IFIT1: variants seen among roughly 807,000 people sequenced by gnomAD.
IFIT1 encodes the protein antiviral innate immune response effector IFIT1.
A neutral mutation model predicts 2.5 loss-of-function variants in IFIT1; 1 was observed. The ratio of observed to expected loss-of-function variants is 0.40; its 90% CI spans 0.14 to 1.92. The LOEUF (loss-of-function observed/expected upper bound fraction) is 1.92, where lower values mean the gene tolerates loss of function less well. Ranked by LOEUF, IFIT1 falls within the 40% of genes most tolerant of loss-of-function variation. IFIT1 has a pLI of 0.31. For missense variants in IFIT1, 508 were observed against 557.8 expected (o/e 0.91, Z 0.90); for synonymous variants, 191 against 201.7 (o/e 0.95, Z 0.45).
At chr10:89,396,674 C>T (rs573438976) in intron 1 of IFIT1, among the ~76,000 whole-genome samples, 5 of 152,284 alleles carry the variant, frequency 3.3e-5, no homozygotes, top group South Asian at 4.1e-4. Flanking sequence ...ATCAAATTTC[C>T]GTAGATTTGG....
rs1350244920 is a variant in IFIT1, at chr10:89,402,651, A to T, written c.376A>T (p.Lys126Ter). Residue 126 changes from lysine to a stop codon, truncating the protein, a stop_gained, in exon 2 of 2, where the codon AAG becomes TAG. Transcript: ENST00000371804. LOFTEE classifies it low-confidence loss of function (END_TRUNC). ...CCTGGACAAGGTGGAGAACATTTGC[A>T]AGAAGCTTTCAAATCCCTTCCGCTA... ...TYLDKVENIC[K>*]KLSNPFRYRM... 7.4e-6 allele frequency: 12 copies of T among 1,614,248 alleles called. No individual in the cohort carries two copies. Among genetic ancestry groups the T allele is most frequent in the Non-Finnish European group, 9.3e-6 (11 of 1,180,038 alleles).
chr10:89,393,260 T>A (rs975718496), intron 1 of IFIT1: 10 of 1,289,682 alleles, frequency 7.8e-6, no homozygotes, highest in Non-Finnish European at 9.1e-6. Context: ...TCTGCACTGC[T>A]GGCCTCTTAC....
chr10:89,402,248 C>A, intron 1 of IFIT1, 33 bp from the exon 2 acceptor site: 1 of 1,434,872 alleles, frequency 7.0e-7, no homozygotes, highest in Non-Finnish European at 9.6e-7. Context: ...CTGTTCCTCA[C>A]CTAACAAAGA....
In IFIT1 at chr10:89,392,685, C is replaced by A. The variant is rs1844274525; in HGVS notation, c.-28C>A. The stretch of plus-strand genomic sequence containing the variant: ...AGGAGCCTGGCTAAGCAAAACCCTG[C>A]AGAACGGCTGCCTAATTTACAGCAA... On this transcript the variant is annotated 5_prime_UTR_variant, in exon 1 of 2. Coordinates refer to ENST00000371804, the MANE Select transcript of IFIT1 (RefSeq NM_001548.5). 1 of 1,613,736 alleles carries A rather than the reference C, an allele frequency of 6.2e-7. No homozygotes were observed. Among genetic ancestry groups the A allele is most frequent in the South Asian group, 1.1e-5 (1 of 91,060 alleles).
At chr10:89,394,577 A>AATACATATAT (rs1844306217) in intron 1 of IFIT1, among the ~76,000 whole-genome samples, 1 of 108,752 alleles carries the variant, frequency 9.2e-6, no homozygotes, top group Non-Finnish European at 1.8e-5. Flanking sequence ...ACTACAGGAA[A>AATACATATAT]ATATATATAT....
At position 89,404,918 on chromosome 10, in the gene IFIT1, C is replaced by G. The variant is rs949739825; in HGVS notation, c.*1206C>G. 3 of 152,058 alleles carry G rather than the reference C, an allele frequency of 2.0e-5. No homozygotes were observed. Among genetic ancestry groups the G allele is most frequent in the African/African-American group, 7.2e-5 (3 of 41,384 alleles). The allele number at this position is 152,058 out of a possible 1,614,324, so 9.4% of individuals were successfully genotyped here. On this transcript the variant is annotated 3_prime_UTR_variant, in exon 2 of 2. Transcript: ENST00000371804. ...TCGAGGCTGCAGTGTCGAGATCTTG[C>G]CACTGCACTCCATTCTGGATGATAG...
rs1844487002 is a variant in IFIT1 at position 89,403,949 on chromosome 10, G to A, written c.*237G>A. The A allele has an allele frequency of 2.7e-6, 1 of 374,134 alleles. No individual in the cohort carries two copies. Among genetic ancestry groups the A allele is most frequent in the African/African-American group, 2.1e-5 (1 of 47,842 alleles). 23.2% of individuals were successfully genotyped at this position (374,134 alleles called of 1,614,324 possible). On this transcript the variant is annotated 3_prime_UTR_variant, in exon 2 of 2. Coordinates refer to ENST00000371804, the MANE Select transcript of IFIT1 (RefSeq NM_001548.5). Reference sequence around the variant, plus strand: ...GCTATGTAGTAGAGAAAAAATGTTAGTTAACTTTGTAGGAAATAAAACATT... The same window carrying A: ...GCTATGTAGTAGAGAAAAAATGTTAATTAACTTTGTAGGAAATAAAACATT...
In IFIT1 at chr10:89,396,654, G is replaced by C. The variant is rs78961727; in HGVS notation, c.5+3937G>C. On this transcript the variant is annotated intron_variant, in intron 1 of 1. Transcript: ENST00000371804. ...CACTAGACCCTACCTCCAAAATTGT[G>C]ACACTAGAGATCAAATTTCCGTAGA... Among the ~76,000 whole-genome samples the C allele has an allele frequency of 2.8e-4, 43 of 152,278 alleles. No individual in the cohort carries two copies. The East Asian group carries it at 7.7e-3, about 27-fold the overall frequency.
rs1844509540 is a variant in IFIT1 at position 89,405,115 on chromosome 10, C to G, written c.*1403C>G. 1 of 152,202 alleles carries G rather than the reference C, an allele frequency of 6.6e-6. No homozygotes were observed. Among genetic ancestry groups the G allele is most frequent in the Non-Finnish European group, 1.5e-5 (1 of 68,032 alleles). 9.4% of individuals were successfully genotyped at this position (152,202 alleles called of 1,614,324 possible). A position where few individuals can be genotyped will look rare whatever the true frequency, so the allele number is the denominator to read the frequency against. On this transcript the variant is annotated 3_prime_UTR_variant, in exon 2 of 2. Coordinates refer to ENST00000371804, the MANE Select transcript of IFIT1 (RefSeq NM_001548.5). The stretch of plus-strand genomic sequence containing the variant: ...GCAGTTTACAATCTAGTGAGAGACA[C>G]AGATAGCAGTACAGAGTCAATTAAA...
chr10:89,404,389 T>C lies in IFIT1; in HGVS notation c.*677T>C, dbSNP rs1031660693. The C allele has an allele frequency of 1.3e-5, 2 of 152,270 alleles. No individual in the cohort carries two copies. 9.4% of individuals were successfully genotyped at this position (152,270 alleles called of 1,614,324 possible). A position where few individuals can be genotyped will look rare whatever the true frequency, so the allele number is the denominator to read the frequency against. ...ATGGAGGCTGCACACAGGGTGCCTC[T>C]ATGTCCTTTGTTTCACCTTTTGATA... is the stretch of plus-strand genomic sequence containing the variant. On this transcript the variant is annotated 3_prime_UTR_variant, in exon 2 of 2. Transcript: ENST00000371804.
At position 89,392,652 on chromosome 10, in the gene IFIT1, G is replaced by A; in HGVS notation, c.-61G>A. On this transcript the variant is annotated 5_prime_UTR_variant, in exon 1 of 2. Coordinates refer to ENST00000371804, the MANE Select transcript of IFIT1 (RefSeq NM_001548.5). Reference sequence around the variant, plus strand: ...GAAAATCCACAAGACAGAATAGCCAGATCTCAGAGGAGCCTGGCTAAGCAA... The same window carrying A: ...GAAAATCCACAAGACAGAATAGCCAAATCTCAGAGGAGCCTGGCTAAGCAA... 2.5e-6 allele frequency: 4 copies of A among 1,595,966 alleles called. No homozygotes were observed. Among genetic ancestry groups the A allele is most frequent in the East Asian group, 4.5e-5 (2 of 44,808 alleles).
intron 1 of IFIT1, among the ~76,000 whole-genome samples, chr10:89,401,854 G>A (rs1480202621): frequency 2.6e-5 from 4 of 151,332 alleles, no homozygotes; most frequent in Admixed American, 2.6e-4. Flanking sequence ...TGCATTACAT[G>A]CAGAGTAAGG....
intron 1 of IFIT1, among the ~76,000 whole-genome samples, chr10:89,394,197 C>A (rs1004393935): frequency 7.0e-6 from 1 of 142,724 alleles, no homozygotes; most frequent in Non-Finnish European, 1.6e-5. Flanking sequence ...TAGGCAACTG[C>A]AATACAATGG....
Position 89,403,767 on chromosome 10 carries a change from T to C in IFIT1, c.*55T>C. ...CATTTCATTTTATGCTAACATTTAC[T>C]AATCATCTTTTCTGCTTACTGTTTT... On this transcript the variant is annotated 3_prime_UTR_variant, in exon 2 of 2. Transcript: ENST00000371804. 3.2e-6 allele frequency: 3 copies of C among 934,298 alleles called. No individual in the cohort carries two copies. Among genetic ancestry groups the C allele is most frequent in the Non-Finnish European group, 4.9e-6 (3 of 611,228 alleles). The allele number at this position is 934,298 out of a possible 1,614,324, so 57.9% of individuals were successfully genotyped here. A position where few individuals can be genotyped will look rare whatever the true frequency, so the allele number is the denominator to read the frequency against.
chr10:89,393,559 C>T (rs1263004708), intron 1 of IFIT1, among the ~76,000 whole-genome samples: 1 of 152,094 alleles, frequency 6.6e-6, no homozygotes, highest in Non-Finnish European at 1.5e-5. Context: ...ATGGTGAAAC[C>T]CCATCTCTAC....
intron 1 of IFIT1, among the ~76,000 whole-genome samples, chr10:89,393,953 TTAAG>T (rs1321933623): frequency 6.6e-6 from 1 of 152,230 alleles, no homozygotes; most frequent in African/African-American, 2.4e-5. Flanking sequence ...TGAATTCGTA[TTAAG>T]TGACAGCCTG....
At chr10:89,398,906 C>G (rs1844382544) in intron 1 of IFIT1, among the ~76,000 whole-genome samples, 1 of 152,182 alleles carries the variant, frequency 6.6e-6, no homozygotes, top group Non-Finnish European at 1.5e-5. Context: ...AGTGGAATTG[C>G]TGGATCAAAT....
At chr10:89,401,709 T>C (rs1046928944) in intron 1 of IFIT1, among the ~76,000 whole-genome samples, 3 of 151,720 alleles carry the variant, frequency 2.0e-5, no homozygotes, top group Non-Finnish European at 4.4e-5. Context: ...TTGGAGAAAG[T>C]GGGTGAAGGA....
intron 1 of IFIT1, among the ~76,000 whole-genome samples, chr10:89,400,036 C>T (rs1410534536): frequency 6.6e-6 from 1 of 152,130 alleles, no homozygotes; most frequent in African/African-American, 2.4e-5. Context: ...TTTAAGACAC[C>T]CACTCTGTTA....
Sources: allele counts gnomAD v4.1 joint callset (sites outside exome capture counted in the v4.1 genomes callset), GRCh38; gene constraint gnomAD v4.1.1; transcripts MANE v1.5; gene names NCBI Gene and HGNC (gene_info 2026-07-23, HGNC 2026-07-21).